TRIM51: variants seen among roughly 807,000 people sequenced by gnomAD.
TRIM51 encodes the protein tripartite motif-containing 51.
Under a neutral mutation model 32.7 loss-of-function variants are expected in TRIM51, and 23 were observed. That is an observed-to-expected ratio of 0.70 (90% CI 0.51 to 1.00). The LOEUF is 1.00. Among genes scored for constraint, TRIM51 ranks in the 50% least tolerant of loss-of-function variants. The pLI is 0.00. For missense variants in TRIM51, 592 were observed against 539.2 expected (o/e 1.10, Z -0.97); for synonymous variants, 177 against 181.9 (o/e 0.97, Z 0.22).
In TRIM51 at chr11:55,885,915, G is replaced by T. The variant is rs1854572090; in HGVS notation, c.411+76G>T. On this transcript the variant is annotated intron_variant, in intron 2 of 6. Coordinates refer to ENST00000449290, the MANE Select transcript of TRIM51 (RefSeq NM_032681.4). ...TGTAAGTCTATTTCCTTCGAGATTG[G>T]ATGATGCCATCTCTGTGTCCCCTTA... 12 of 1,603,224 alleles carry T rather than the reference G, an allele frequency of 7.5e-6. No individual in the cohort carries two copies. The Admixed American group carries it at 2.0e-4, about 27-fold the overall frequency.
chr11:55,887,285 G>A (rs1854589001), intron 3 of TRIM51, among the ~76,000 whole-genome samples: 1 of 150,476 alleles, frequency 6.6e-6, no homozygotes, highest in Non-Finnish European at 1.5e-5. Context: ...GAATATATAT[G>A]TGTATCTGGA....
intron 6 of TRIM51, 108 bp from the exon 7 acceptor site, chr11:55,891,025 C>A (rs1429680254): frequency 2.3e-6 from 2 of 866,716 alleles, no homozygotes; most frequent in Non-Finnish European, 3.4e-6. Context: ...GTCCTTGTAA[C>A]TTCAAATTTC....
Position 55,891,340 on chromosome 11 carries a change from G to A in TRIM51, c.1067G>A (p.Gly356Asp), listed in dbSNP as rs750063047. Residue 356 changes from glycine (G) to aspartate (D), a missense_variant, in exon 7 of 7, where the codon GGT becomes GAT. Coordinates refer to ENST00000449290, the MANE Select transcript of TRIM51 (RefSeq NM_032681.4). ...HMGDSWNWAFGVCNNYWKEKR... is the reference protein window; with the variant it reads ...HMGDSWNWAFDVCNNYWKEKR... ...GGGGACTCTTGGAATTGGGCTTTTG[G>A]TGTCTGTAACAATTATTGGAAAGAG... The A allele has an allele frequency of 3.7e-6, 6 of 1,611,914 alleles. No homozygotes were observed. The highest frequency in any genetic ancestry group is 1.1e-5 in the South Asian group (1 of 91,080).
chr11:55,889,054 G>A (rs1463717793), intron 5 of TRIM51, 53 bp downstream of exon 5: 2 of 1,500,676 alleles, frequency 1.3e-6, no homozygotes, highest in South Asian at 1.1e-5. Context: ...CAAATATCAA[G>A]CAGGAACTTT....
Position 55,889,952 on chromosome 11 carries a change from C to T in TRIM51, c.772C>T (p.Leu258=). Residue 258 remains leucine, a synonymous_variant, in exon 6 of 7, where the codon CTG becomes TTG. Coordinates refer to ENST00000449290, the MANE Select transcript of TRIM51 (RefSeq NM_032681.4). ...FGDILHRYES[L]LLQVSEPVNP... ...TCTTTCCCCTTGCAGGTATGAGTCT[C>T]TGCTGCTGCAAGTGTCTGAGCCTGT... The T allele has an allele frequency of 6.2e-7, 1 of 1,612,896 alleles. No individual in the cohort carries two copies. The highest frequency in any genetic ancestry group is 8.5e-7 in the Non-Finnish European group (1 of 1,179,292).
intron 3 of TRIM51, among the ~76,000 whole-genome samples, chr11:55,887,543 C>T (rs372667860): frequency 4.0e-5 from 6 of 151,884 alleles, no homozygotes; most frequent in South Asian, 2.1e-4. Context: ...CCCATGTTGC[C>T]GATTAGGGTG....
At chr11:55,883,676 T>A (rs1854538093) in intron 1 of TRIM51, among the ~76,000 whole-genome samples, 1 of 152,176 alleles carries the variant, frequency 6.6e-6, no homozygotes, top group Non-Finnish European at 1.5e-5. Flanking sequence ...ATATGTGTAC[T>A]GCATGTACTA....
chr11:55,890,355 A>G (rs1384975786), intron 6 of TRIM51, among the ~76,000 whole-genome samples: 1 of 152,228 alleles, frequency 6.6e-6, no homozygotes, highest in Non-Finnish European at 1.5e-5. Context: ...CCAAGGTTAC[A>G]TAAAAATTTT....
chr11:55,889,763 T>C (rs1359831706), intron 5 of TRIM51, among the ~76,000 whole-genome samples, 179 bp from the exon 6 acceptor site: 1 of 152,190 alleles, frequency 6.6e-6, no homozygotes, highest in Non-Finnish European at 1.5e-5. Context: ...GACTTTTCCA[T>C]CGTGCTTGAA....
intron 3 of TRIM51, among the ~76,000 whole-genome samples, chr11:55,887,198 T>C (rs1854588210): frequency 6.6e-6 from 1 of 151,808 alleles, no homozygotes; most frequent in Non-Finnish European, 1.5e-5. Flanking sequence ...ATGGAAAAAT[T>C]CACACTGAAA....
chr11:55,891,665 C>T lies in TRIM51; in HGVS notation c.*33C>T, dbSNP rs752986489. 1 of 1,609,878 alleles carries T rather than the reference C, an allele frequency of 6.2e-7. No individual in the cohort carries two copies. On this transcript the variant is annotated 3_prime_UTR_variant, in exon 7 of 7. Coordinates refer to ENST00000449290, the MANE Select transcript of TRIM51 (RefSeq NM_032681.4). ...AAAGTCAGAAATGTGCCTGTATGCT[C>T]TGGGAACCTGTTTATCCCAGAAAGC... is the stretch of plus-strand genomic sequence containing the variant.
In TRIM51 at chr11:55,888,965, T is replaced by G; in HGVS notation, c.739-14T>G. Reference sequence around the variant, plus strand: ...TGGAAAGCGCTAAGCCTTTCTATTTTTTTTTTTTTACAGGCTTTTGGAGAC... The same window carrying G: ...TGGAAAGCGCTAAGCCTTTCTATTTGTTTTTTTTTACAGGCTTTTGGAGAC... On this transcript the variant is annotated splice_polypyrimidine_tract_variant and intron_variant, in intron 4 of 6. Transcript: ENST00000449290. 1 of 1,610,052 alleles carries G rather than the reference T, an allele frequency of 6.2e-7. No homozygotes were observed.
At position 55,885,458 on chromosome 11, in the gene TRIM51, G is replaced by C; in HGVS notation, c.30G>C (p.Gln10His). 1.2e-6 allele frequency: 2 copies of C among 1,611,864 alleles called. No individual in the cohort carries two copies. Among genetic ancestry groups the C allele is most frequent in the Non-Finnish European group, 1.7e-6 (2 of 1,179,700 alleles). ...ATTCTGGAATCTTGCAAGTCTTCCAGAGGGCACTCACCTGTCCCATCTGCA... is the reference window on the plus strand; with the variant it reads ...ATTCTGGAATCTTGCAAGTCTTCCACAGGGCACTCACCTGTCCCATCTGCA... MNSGILQVF[Q>H]RALTCPICMN... The change falls in exon 2 of 7, where the codon CAG becomes CAC. Residue 10 changes from glutamine (Q) to histidine (H), a missense_variant. Physicochemically the swap from Gln to His is conservative, Grantham distance 24 (BLOSUM62 0). Transcript: ENST00000449290.
At chr11:55,883,795 A>G (rs971573844) in intron 1 of TRIM51, among the ~76,000 whole-genome samples, 1 of 152,118 alleles carries the variant, frequency 6.6e-6, no homozygotes, top group African/African-American at 2.4e-5. Context: ...TGAGGCAATG[A>G]TGAGTTAAAA....
rs1854653902 is a variant in TRIM51, at chr11:55,891,749, C to A, written c.*117C>A. ...AAGTTATATTTAATGTCTTTAGTTGCATTCTAATGTCATCAAAACTCATTT... is the reference window on the plus strand; with the variant it reads ...AAGTTATATTTAATGTCTTTAGTTGAATTCTAATGTCATCAAAACTCATTT... On this transcript the variant is annotated 3_prime_UTR_variant, in exon 7 of 7. Coordinates refer to ENST00000449290, the MANE Select transcript of TRIM51 (RefSeq NM_032681.4). 8 of 1,166,398 alleles carry A rather than the reference C, an allele frequency of 6.9e-6. No individual in the cohort carries two copies. The East Asian group carries it at 1.6e-4, about 24-fold the overall frequency. 72.3% of individuals were successfully genotyped at this position (1,166,398 alleles called of 1,614,324 possible). A position where few individuals can be genotyped will look rare whatever the true frequency, so the allele number is the denominator to read the frequency against.
Position 55,885,767 on chromosome 11 carries a change from G to T in TRIM51, c.339G>T (p.Leu113Phe), listed in dbSNP as rs766696321. ...AAGTGGACAAGAGCCTGCTCTGTTT[G>T]CCGTGCTCCAACTCTCAGGAGCACC... ...FCEVDKSLLC[L>F]PCSNSQEHRN... The change falls in exon 2 of 7, where the codon TTG becomes TTT. Residue 113 changes from leucine (L) to phenylalanine (F), a missense_variant. Leu to Phe is a conservative substitution (Grantham distance 22, BLOSUM62 0). Transcript: ENST00000449290. The T allele has an allele frequency of 1.7e-5, 27 of 1,611,690 alleles. No homozygotes were observed. The highest frequency in any genetic ancestry group is 2.2e-5 in the Non-Finnish European group (26 of 1,179,722).
rs1233121189 is a variant in TRIM51 at position 55,891,573 on chromosome 11, A to C, written c.1300A>C (p.Ile434Leu). 19 of 1,613,374 alleles carry C rather than the reference A, an allele frequency of 1.2e-5. No individual in the cohort carries two copies. In the Middle Eastern group the frequency reaches 4.9e-4, roughly 42 times the overall value. ...TGATCAAAGTTCCCTGATATACACC[A>C]TCCCCAATTGCTCCTTCTCACCTCC... ...DVDQSSLIYT[I>L]PNCSFSPPLR... Residue 434 changes from isoleucine to leucine, a missense_variant, in exon 7 of 7, where the codon ATC becomes CTC. Transcript: ENST00000449290.
intron 3 of TRIM51, among the ~76,000 whole-genome samples, chr11:55,886,918 C>A (rs1447289708): frequency 6.6e-6 from 1 of 152,026 alleles, no homozygotes; most frequent in East Asian, 1.9e-4. Context: ...TTCTAATATT[C>A]ATTCATTGAA....
In TRIM51 at chr11:55,891,617, C is replaced by T. The variant is rs773920673; in HGVS notation, c.1344C>T (p.Cys448=). 12 of 1,613,258 alleles carry T rather than the reference C, an allele frequency of 7.4e-6. No individual in the cohort carries two copies. The highest frequency in any genetic ancestry group is 1.0e-5 in the Non-Finnish European group (12 of 1,179,596). Residue 448 remains cysteine (C), a synonymous_variant, in exon 7 of 7, where the codon TGC becomes TGT. Coordinates refer to ENST00000449290, the MANE Select transcript of TRIM51 (RefSeq NM_032681.4). ...SFSPPLRPIF[C]CSHF is the part of the protein sequence containing the mutation. ...CACCTCCTCTCAGGCCTATCTTTTG[C>T]TGTAGTCACTTCTGACCAGAGAAAA...
Sources: gnomAD v4.1 joint callset for allele counts (sites outside exome capture counted in the v4.1 genomes callset) on GRCh38, gnomAD v4.1.1 for gene constraint, MANE v1.5 for transcripts, NCBI Gene and HGNC (gene_info 2026-07-23, HGNC 2026-07-21) for gene names.